Variants in FSTL4 observed in about 807,000 individuals in gnomAD.
FSTL4 encodes the protein follistatin like 4.
In FSTL4, 28 loss-of-function variants were observed where a neutral mutation model predicts 78.2. The ratio of observed to expected loss-of-function variants is 0.36; its 90% CI spans 0.27 to 0.49. The LOEUF is 0.49. Ranked by LOEUF, FSTL4 falls within the 20% of genes least tolerant of loss-of-function variation. FSTL4 has a pLI of 0.98. For synonymous variants in FSTL4, 422 were observed against 440.5 expected, an observed-to-expected ratio of 0.96 and a Z score of 0.53; for missense variants, 922 against 1,084.9, an observed-to-expected ratio of 0.85 and a Z score of 2.11.
At chr5:133,505,025 A>C (rs919239098) in intron 3 of FSTL4, among the ~76,000 whole-genome samples, 3 of 152,246 alleles carry the variant, frequency 2.0e-5, no homozygotes, top group African/African-American at 7.2e-5. Flanking sequence ...TTTAAGTAAC[A>C]ATAAAGAAAA....
intron 4 of FSTL4, among the ~76,000 whole-genome samples, chr5:133,389,877 A>G (rs1755800581): frequency 6.6e-6 from 1 of 152,240 alleles, no homozygotes; most frequent in African/African-American, 2.4e-5. Flanking sequence ...CATCTGAGAA[A>G]CAGAGACAAA....
intron 6 of FSTL4, among the ~76,000 whole-genome samples, chr5:133,299,195 G>A (rs1581602100): frequency 6.6e-6 from 1 of 152,268 alleles, no homozygotes; most frequent in East Asian, 1.9e-4. Context: ...GGGATCATAG[G>A]CTTGGGCTGA....
intron 4 of FSTL4, among the ~76,000 whole-genome samples, chr5:133,331,806 A>G (rs753219765): frequency 1.3e-5 from 2 of 152,120 alleles, no homozygotes; most frequent in Non-Finnish European, 2.9e-5. Flanking sequence ...AGATCTTTGG[A>G]GTATTTCCAG....
At chr5:133,618,851 A>G in the FSTL4 span, among the ~76,000 whole-genome samples, 1,820 of 152,318 alleles carry the variant, frequency 0.012, 32 homozygotes, top group African/African-American at 0.041. Context: ...ACGTACTACA[A>G]ATAGGTGCCT....
At chr5:133,711,550 A>G in the FSTL4 span, among the ~76,000 whole-genome samples, 64 of 152,318 alleles carry the variant, frequency 4.2e-4, no homozygotes, top group Non-Finnish European at 6.9e-4. Flanking sequence ...CATATGTAGG[A>G]GCACACAGTG....
the FSTL4 span, among the ~76,000 whole-genome samples, chr5:133,831,354 A>G: frequency 6.6e-6 from 1 of 152,104 alleles, no homozygotes; most frequent in Non-Finnish European, 1.5e-5. Flanking sequence ...GAGGTTACCA[A>G]ATTCCTTTTA....
At chr5:133,297,530 A>T (rs1753427231) in intron 6 of FSTL4, among the ~76,000 whole-genome samples, 2 of 152,206 alleles carry the variant, frequency 1.3e-5, no homozygotes, top group Admixed American at 1.3e-4. Flanking sequence ...AAAATGAGAC[A>T]CGTGGTATCT....
chr5:133,547,735 A>C (rs1365866544), intron 3 of FSTL4, among the ~76,000 whole-genome samples: 2 of 152,232 alleles, frequency 1.3e-5, no homozygotes, highest in Non-Finnish European at 2.9e-5. Flanking sequence ...ATGATGAAGC[A>C]TGAGACCCTC....
chr5:133,225,279 C>T lies in FSTL4; in HGVS notation c.1183G>A (p.Gly395Arg). Residue 395 changes from glycine to arginine, a missense_variant, in exon 10 of 16, where the codon GGG (glycine) becomes AGG (arginine). Coordinates refer to ENST00000265342, the MANE Select transcript of FSTL4 (RefSeq NM_015082.2). The surrounding 1 kb of genome is among the most constrained non-coding windows in gnomAD (Gnocchi z 4.6). ...ACACTGCTGATGTGGAGTTCGCTCC[C>T]ATTGGCTGCAGACAGGACAGTGCTC... ...MSKQLSLLAN[G>R]SELHISSVRY... 1.2e-6 allele frequency: 2 copies of T among 1,614,208 alleles called. No individual in the cohort carries two copies. Among genetic ancestry groups the T allele is most frequent in the Non-Finnish European group, 1.7e-6 (2 of 1,180,034 alleles).
intron 6 of FSTL4, among the ~76,000 whole-genome samples, chr5:133,300,995 C>T (rs1182527835): frequency 6.6e-6 from 1 of 152,174 alleles, no homozygotes; most frequent in African/African-American, 2.4e-5. Context: ...GCTCCTTTCA[C>T]ACTGTCATCT....
intron 3 of FSTL4, among the ~76,000 whole-genome samples, chr5:133,450,174 A>T (rs1036509215): frequency 6.6e-6 from 1 of 152,244 alleles, no homozygotes; most frequent in African/African-American, 2.4e-5. Flanking sequence ...TGCCCAAGGA[A>T]AAAACAGCCC....
intron 3 of FSTL4, among the ~76,000 whole-genome samples, chr5:133,439,307 T>C (rs945663762): frequency 6.6e-6 from 1 of 152,200 alleles, no homozygotes; most frequent in Admixed American, 6.5e-5. Flanking sequence ...TAAAACATTC[T>C]TTTTAGAAGC....
At chr5:133,761,659 C>T in the FSTL4 span, among the ~76,000 whole-genome samples, 1 of 152,188 alleles carries the variant, frequency 6.6e-6, no homozygotes. Flanking sequence ...TCAAGGGAGG[C>T]TCTACCCTTT....
the FSTL4 span, among the ~76,000 whole-genome samples, chr5:133,766,285 G>A: frequency 6.6e-6 from 1 of 151,546 alleles, no homozygotes; most frequent in East Asian, 2.0e-4. Context: ...AAGGGGAAAA[G>A]GAAAAAGAAG....
chr5:133,639,851 T>C, the FSTL4 span, among the ~76,000 whole-genome samples: 1 of 152,008 alleles, frequency 6.6e-6, no homozygotes, highest in East Asian at 1.9e-4. Flanking sequence ...CCACCCAGAG[T>C]GATCTTTCCC....
intron 2 of FSTL4, among the ~76,000 whole-genome samples, chr5:133,597,835 C>T (rs1760769256): frequency 6.6e-6 from 1 of 152,312 alleles, no homozygotes; most frequent in Non-Finnish European, 1.5e-5. Context: ...TGGGATAGGA[C>T]ACCAGAAGGG....
At chr5:133,290,200 G>A (rs900280247) in intron 6 of FSTL4, among the ~76,000 whole-genome samples, 4 of 152,220 alleles carry the variant, frequency 2.6e-5, no homozygotes, top group African/African-American at 9.6e-5. Context: ...GAGGAGGAGA[G>A]TGAATAAACA....
intron 3 of FSTL4, among the ~76,000 whole-genome samples, chr5:133,564,225 C>T (rs1759979544): frequency 6.6e-6 from 1 of 152,126 alleles, no homozygotes; most frequent in African/African-American, 2.4e-5. Flanking sequence ...ATCTTTATAT[C>T]TGCCAAAACC....
intron 3 of FSTL4, among the ~76,000 whole-genome samples, chr5:133,433,300 A>C (rs1193598882): frequency 6.6e-6 from 1 of 152,170 alleles, no homozygotes; most frequent in Admixed American, 6.5e-5. Context: ...TGTCCATATT[A>C]GTGTCATTTT....
Sources: gnomAD v4.1 joint callset for allele counts (sites outside exome capture counted in the v4.1 genomes callset) on GRCh38, gnomAD v4.1.1 for gene constraint, Gnocchi (gnomAD v3.1) non-coding constraint, MANE v1.5 for transcripts, NCBI Gene and HGNC (gene_info 2026-07-23, HGNC 2026-07-21) for gene names.